Variants in SORCS1 observed in about 807,000 individuals in gnomAD.
SORCS1 encodes VPS10 domain-containing receptor SorCS1.
In SORCS1, 60 loss-of-function variants were observed where a neutral mutation model predicts 146.1. That is an observed-to-expected ratio of 0.41 (90% confidence interval 0.33 to 0.51). The LOEUF is 0.51. Ranked by LOEUF, SORCS1 falls within the 20% of genes least tolerant of loss-of-function variation. SORCS1 has a pLI of 0.21. For missense variants in SORCS1, 1,352 were observed against 1,487.6 expected, an observed-to-expected ratio of 0.91 and a Z score of 1.50; for synonymous variants, 637 against 584.0, an observed-to-expected ratio of 1.09 and a Z score of -1.31.
At chr10:107,052,086 A>G (rs1342385822) in intron 1 of SORCS1, among the ~76,000 whole-genome samples, 1 of 152,146 alleles carries the variant, frequency 6.6e-6, no homozygotes, top group Non-Finnish European at 1.5e-5. Flanking sequence ...CACACCTAAG[A>G]ATTTAGAATT....
rs1956760697 is a variant in SORCS1 at position 106,991,260 on chromosome 10, T to C, written c.559-34680A>G. On this transcript the variant is annotated intron_variant, in intron 1 of 25. Coordinates refer to ENST00000263054, the MANE Select transcript of SORCS1 (RefSeq NM_052918.5). ...CTAGCAGCCAGAGTGTTATTTCAGC[T>C]TTCATGTTTTCTGGTTGCAGAAGTC... Among the ~76,000 whole-genome samples, 3 of 152,358 alleles carry C rather than the reference T, an allele frequency of 2.0e-5. No homozygotes were observed. In the South Asian group the frequency reaches 6.2e-4, roughly 32 times the overall value.
At chr10:106,707,955 A>T (rs1193822484) in intron 7 of SORCS1, among the ~76,000 whole-genome samples, 1 of 152,206 alleles carries the variant, frequency 6.6e-6, no homozygotes, top group Non-Finnish European at 1.5e-5. Context: ...CTTCACCGTC[A>T]TGTGGCCAGA....
intron 2 of SORCS1, among the ~76,000 whole-genome samples, chr10:106,892,415 A>G (rs1306815061): frequency 6.6e-6 from 1 of 152,242 alleles, no homozygotes; most frequent in Non-Finnish European, 1.5e-5. Flanking sequence ...TGGAAAGCTC[A>G]GCGACTGTGT....
chr10:106,824,946 C>A (rs1948227853), intron 3 of SORCS1, among the ~76,000 whole-genome samples: 1 of 152,054 alleles, frequency 6.6e-6, no homozygotes, highest in Non-Finnish European at 1.5e-5. Context: ...ACATAAAGAA[C>A]AAATACTGTC....
chr10:107,159,517 G>A (rs1354652431), intron 1 of SORCS1, among the ~76,000 whole-genome samples: 2 of 151,962 alleles, frequency 1.3e-5, no homozygotes, highest in African/African-American at 2.4e-5. Flanking sequence ...AGCATTTATT[G>A]AGCATTTACT....
In SORCS1 at chr10:106,573,825, T is replaced by G. The variant is rs1207685602; in HGVS notation, c.*3595A>C. On this transcript the variant is annotated 3_prime_UTR_variant, in exon 26 of 26. Coordinates refer to ENST00000263054, the MANE Select transcript of SORCS1 (RefSeq NM_052918.5). ...TCTTATGCAATTAGCCTTTATGAAA[T>G]CCTATACATGCAACACTTCTATATT... is the stretch of plus-strand genomic sequence containing the variant. 4 of 152,222 alleles carry G rather than the reference T, an allele frequency of 2.6e-5. No homozygotes were observed. The highest frequency in any genetic ancestry group is 5.9e-5 in the Non-Finnish European group (4 of 67,986). The allele number at this position is 152,222 out of a possible 1,614,324, so 9.4% of individuals were successfully genotyped here. A position where few individuals can be genotyped will look rare whatever the true frequency, so the allele number is the denominator to read the frequency against.
chr10:106,760,184 C>T (rs1858972376), intron 5 of SORCS1, among the ~76,000 whole-genome samples: 1 of 152,028 alleles, frequency 6.6e-6, no homozygotes, highest in African/African-American at 2.4e-5. Flanking sequence ...ATGGCTCACG[C>T]CTGTAATCCC....
At chr10:106,647,641 TTGGATATGCATGTGGATGAAATATAGAA>T (rs1413086935) in intron 18 of SORCS1, among the ~76,000 whole-genome samples, 1 of 152,162 alleles carries the variant, frequency 6.6e-6, no homozygotes, top group Non-Finnish European at 1.5e-5. Flanking sequence ...ATTGGGACAA[TTGGATATGCATGTGGATGAAATATAGAA>T]ACCTGAAAGA....
intron 1 of SORCS1, among the ~76,000 whole-genome samples, chr10:107,131,017 T>G (rs181126473): frequency 6.6e-6 from 1 of 152,210 alleles, no homozygotes; most frequent in Non-Finnish European, 1.5e-5. Flanking sequence ...TTGCCTATTC[T>G]GTATAACTCA....
At chr10:106,799,102 C>A (rs964553068) in intron 3 of SORCS1, among the ~76,000 whole-genome samples, 2 of 152,162 alleles carry the variant, frequency 1.3e-5, no homozygotes, top group Non-Finnish European at 2.9e-5. Context: ...TGATCTTTGA[C>A]AAACCTGACA....
chr10:106,969,286 A>G (rs1955653331), intron 1 of SORCS1, among the ~76,000 whole-genome samples: 1 of 152,206 alleles, frequency 6.6e-6, no homozygotes, highest in Non-Finnish European at 1.5e-5. Context: ...AGAAACTTAA[A>G]ATTGGAAGGG....
chr10:107,136,764 C>T (rs1359209550), intron 1 of SORCS1, among the ~76,000 whole-genome samples: 15 of 152,090 alleles, frequency 9.9e-5, no homozygotes, highest in African/African-American at 3.6e-4. Context: ...GCAGGAGTAC[C>T]AGGTTTCAAG....
chr10:106,985,017 G>A (rs12243814), intron 1 of SORCS1, among the ~76,000 whole-genome samples: 4 of 151,868 alleles, frequency 2.6e-5, no homozygotes, highest in Non-Finnish European at 4.4e-5. Flanking sequence ...GTGAAACCCC[G>A]TCTCTACTGA....
chr10:106,962,899 C>T (rs1186570808), intron 1 of SORCS1, among the ~76,000 whole-genome samples: 1 of 152,152 alleles, frequency 6.6e-6, no homozygotes, highest in African/African-American at 2.4e-5. Flanking sequence ...TACAGCAGGC[C>T]TTAGTGTTTT....
In SORCS1 at chr10:106,960,577, A is replaced by G. The variant is rs1457336112; in HGVS notation, c.559-3997T>C. ...GCCACCACACCCAGCTAATTTTTGT[A>G]CTTTTAGTAGAGATGGGATTTCACC... On this transcript the variant is annotated intron_variant, in intron 1 of 25. Transcript: ENST00000263054. This position sits in a 1 kb window ranked among gnomAD's most constrained non-coding sequence, Gnocchi z 4.4. 8.6e-5 allele frequency among the ~76,000 whole-genome samples: 13 copies of G among 151,712 alleles called. No homozygotes were observed. Among genetic ancestry groups the G allele is most frequent in the Admixed American group, 3.3e-4 (5 of 15,224 alleles).
intron 2 of SORCS1, among the ~76,000 whole-genome samples, chr10:106,861,242 C>T (rs973569754): frequency 6.6e-6 from 1 of 151,020 alleles, no homozygotes; most frequent in Non-Finnish European, 1.5e-5. Context: ...TACTAAAATA[C>T]AAAAAAAATT....
In SORCS1 at chr10:106,679,743, A is replaced by C. The variant is rs1320217567; in HGVS notation, c.1561-9T>G. On this transcript the variant is annotated splice_polypyrimidine_tract_variant and intron_variant, in intron 10 of 25. Transcript: ENST00000263054. ...TGTAGTGAGCAATAGGGCTGAAAAG[A>C]GAAATAATAAGTGCCACAAAATCAC... 53 of 1,589,938 alleles carry C rather than the reference A, an allele frequency of 3.3e-5. No individual in the cohort carries two copies. Among genetic ancestry groups the C allele is most frequent in the Non-Finnish European group, 4.5e-5 (52 of 1,161,904 alleles).
At chr10:106,973,425 C>T (rs1955871174) in intron 1 of SORCS1, among the ~76,000 whole-genome samples, 1 of 152,170 alleles carries the variant, frequency 6.6e-6, no homozygotes, top group Non-Finnish European at 1.5e-5. Flanking sequence ...GCAAATCTCC[C>T]AGGAAAGAAT....
At chr10:106,945,097 A>G (rs1164115128) in intron 2 of SORCS1, among the ~76,000 whole-genome samples, 2 of 151,866 alleles carry the variant, frequency 1.3e-5, no homozygotes, top group Admixed American at 6.6e-5. Flanking sequence ...CATGTTGGCC[A>G]GGCTGGTCTT....
Sources: allele counts gnomAD v4.1 joint callset (sites outside exome capture counted in the v4.1 genomes callset), GRCh38; gene constraint gnomAD v4.1.1; non-coding constraint Gnocchi (gnomAD v3.1); transcripts MANE v1.5; gene names NCBI Gene and HGNC (gene_info 2026-07-23, HGNC 2026-07-21).